The following SI variants were observed in gnomAD, a reference collection of about 807,000 sequenced individuals.
SI encodes the protein sucrase-isomaltase.
A neutral mutation model predicts 253.3 loss-of-function variants in SI; 235 were observed. The observed-to-expected ratio is 0.93, with a 90% CI of 0.83 to 1.03. The LOEUF is 1.03. Ranked by LOEUF, SI falls within the 50% of genes least tolerant of loss-of-function variation. The probability of loss-of-function intolerance (pLI) is 0.00; values close to 1 mark genes in which losing one functional copy is unlikely to be tolerated. For synonymous variants in SI, 819 were observed against 712.0 expected, an observed-to-expected ratio of 1.15 and a Z score of -2.39; for missense variants, 2,442 against 2,211.1, an observed-to-expected ratio of 1.10 and a Z score of -2.09.
chr3:164,988,265 A>G (rs2108118937), intron 44 of SI, among the ~76,000 whole-genome samples: 1 of 152,324 alleles, frequency 6.6e-6, no homozygotes, highest in Non-Finnish European at 1.5e-5. Flanking sequence ...AAATCTCCAC[A>G]GTAATTAGAT....
At chr3:165,089,654 C>A in the SI span, among the ~76,000 whole-genome samples, 1 of 152,050 alleles carries the variant, frequency 6.6e-6, no homozygotes, top group East Asian at 1.9e-4. Context: ...TTGTGTGGAC[C>A]AGAATCAGCA....
At chr3:165,071,762 C>A (rs1308521414) in intron 3 of SI, among the ~76,000 whole-genome samples, 1 of 152,030 alleles carries the variant, frequency 6.6e-6, no homozygotes, top group Non-Finnish European at 1.5e-5. Flanking sequence ...AGAGGAAATA[C>A]TATGTGAGGA....
At chr3:165,009,742 C>T (rs1718685725) in intron 34 of SI, among the ~76,000 whole-genome samples, 1 of 152,082 alleles carries the variant, frequency 6.6e-6, no homozygotes, top group Non-Finnish European at 1.5e-5. Flanking sequence ...TTGTGGAGCA[C>T]AATGAAACAG....
intron 37 of SI, among the ~76,000 whole-genome samples, chr3:165,001,704 A>G (rs933724030): frequency 6.6e-6 from 1 of 151,508 alleles, no homozygotes; most frequent in South Asian, 2.1e-4. Context: ...CTTGAGACGA[A>G]CAGCTGATTA....
At chr3:165,021,977 T>C (rs537510545) in intron 26 of SI, among the ~76,000 whole-genome samples, 33 of 151,628 alleles carry the variant, frequency 2.2e-4, no homozygotes, top group Non-Finnish European at 4.4e-4. Context: ...AATCATTTCA[T>C]TTCCTACTTA....
chr3:165,055,248 C>T lies in SI; in HGVS notation c.1458G>A (p.Trp486Ter). ...GATGGAAAATACTGCATTCATTTGC[C>T]CACCAATCAATGCAGTTTGGGTTAG... ...DFTNPNCIDW[W>*]ANECSIFHQE... is the part of the protein sequence containing the mutation. The change falls in exon 13 of 48, where the codon TGG becomes TGA. Residue 486 changes from tryptophan to a stop codon, truncating the protein, a stop_gained. Transcript: ENST00000264382. LOFTEE classifies it high-confidence loss of function. 6.2e-7 allele frequency: 1 copy of T among 1,611,782 alleles called. No homozygotes were observed. The highest frequency in any genetic ancestry group is 8.5e-7 in the Non-Finnish European group (1 of 1,178,608).
intron 36 of SI, among the ~76,000 whole-genome samples, chr3:165,007,273 T>C (rs1718559292): frequency 6.6e-6 from 1 of 152,094 alleles, no homozygotes; most frequent in Admixed American, 6.6e-5. Flanking sequence ...GCCCAGAGTT[T>C]AAGGGCTAGG....
intron 17 of SI, among the ~76,000 whole-genome samples, chr3:165,042,627 A>G (rs933129144): frequency 2.6e-5 from 4 of 152,040 alleles, no homozygotes; most frequent in African/African-American, 9.7e-5. Flanking sequence ...TTGTTTTGTG[A>G]CTATCTTTAA....
chr3:165,075,774 C>T, intron 2 of SI, 121 bp downstream of exon 2: 1 of 621,550 alleles, frequency 1.6e-6, no homozygotes, highest in Non-Finnish European at 2.9e-6. Context: ...TGTAACTTAC[C>T]CTGGATTTTT....
At chr3:165,030,654 T>C in intron 25 of SI, 58 bp downstream of exon 25, 1 of 1,528,162 alleles carries the variant, frequency 6.5e-7, no homozygotes, top group Non-Finnish European at 9.0e-7. Flanking sequence ...ATGTAAAATT[T>C]GCACCAAAAT....
chr3:164,988,474 TAA>T (rs1285846832), intron 44 of SI, among the ~76,000 whole-genome samples: 1 of 152,064 alleles, frequency 6.6e-6, no homozygotes, highest in East Asian at 1.9e-4. Context: ...TTCTCTCTCA[TAA>T]AAAAATAAGG....
chr3:165,004,840 T>C (rs1049215411), intron 37 of SI, among the ~76,000 whole-genome samples: 1 of 152,148 alleles, frequency 6.6e-6, no homozygotes, highest in African/African-American at 2.4e-5. Flanking sequence ...GCAAGTGTTA[T>C]GGTTGGGCTT....
rs577252976 is a variant in SI at position 164,979,145 on chromosome 3, T to G, written c.*217A>C. 1.4e-4 allele frequency: 72 copies of G among 529,360 alleles called. 2 individuals carry two copies. The Admixed American group carries it at 2.1e-3, about 15-fold the overall frequency. 32.8% of individuals were successfully genotyped at this position (529,360 alleles called of 1,614,324 possible). A position where few individuals can be genotyped will look rare whatever the true frequency, so the allele number is the denominator to read the frequency against. ...ACTTAACAAGGATAAATAGGGCTAT[T>G]CAAATTTTGTTAAATATGCCTTAAA... On this transcript the variant is annotated 3_prime_UTR_variant, in exon 48 of 48. Transcript: ENST00000264382.
intron 24 of SI, 97 bp downstream of exon 24, chr3:165,032,425 A>G: frequency 1.3e-6 from 1 of 788,726 alleles, no homozygotes. Context: ...AAAGGAATAC[A>G]CACTGTGAGG....
chr3:165,024,868 C>T (rs1383727772), intron 25 of SI, among the ~76,000 whole-genome samples: 1 of 151,188 alleles, frequency 6.6e-6, no homozygotes, highest in Non-Finnish European at 1.5e-5. Context: ...TCTAACTAGG[C>T]TTTTATCCCT....
In SI at chr3:165,076,012, TC is replaced by T; in HGVS notation, c.1-1del. 6.4e-7 allele frequency: 1 copy of T among 1,559,986 alleles called. No individual in the cohort carries two copies. The highest frequency in any genetic ancestry group is 8.8e-7 in the Non-Finnish European group (1 of 1,137,230). On this transcript the variant is annotated splice_acceptor_variant, in intron 1 of 47. Coordinates refer to ENST00000264382, the MANE Select transcript of SI (RefSeq NM_001041.4). LOFTEE classifies it low-confidence loss of function (5UTR_SPLICE). Reference sequence around the variant, plus strand: ...AATCCACTAAATTTCTTTCTTGCCATCTAAAAACAGAAAAGAATATATATTT... The same window carrying T: ...AATCCACTAAATTTCTTTCTTGCCATTAAAAACAGAAAAGAATATATATTT...
chr3:165,007,708 G>A lies in SI; in HGVS notation c.4267+203C>T, dbSNP rs1156311414. Among the ~76,000 whole-genome samples the A allele has an allele frequency of 2.0e-5, 3 of 151,148 alleles. 1 individual carries two copies. The highest frequency in any genetic ancestry group is 4.4e-5 in the Non-Finnish European group (3 of 67,696). On this transcript the variant is annotated intron_variant, in intron 36 of 47. Coordinates refer to ENST00000264382, the MANE Select transcript of SI (RefSeq NM_001041.4). ...TGGTAATGGGTCAAGGTGTGGTCCA[G>A]TGTGTGGGTGGGTAGTGAAAATTGG...
intron 21 of SI, 116 bp downstream of exon 21, chr3:165,037,784 T>C: frequency 1.4e-6 from 1 of 730,034 alleles, no homozygotes. Context: ...ATTACCTCTG[T>C]ATGTCAAATA....
In SI at chr3:164,982,274, GA is replaced by G; in HGVS notation, c.5383del (p.Ser1795ArgfsTer11). 1 of 1,612,790 alleles carries G rather than the reference GA, an allele frequency of 6.2e-7. No individual in the cohort carries two copies. The highest frequency in any genetic ancestry group is 8.5e-7 in the Non-Finnish European group (1 of 1,179,296). ...VTLTYNGNKN[S>X]LPFNEDTTNM... ...GGTAGTGTCTTCATTAAAAGGAAGCGAATTTTTATTTCCGTTATACGTTAGA... is the reference window on the plus strand; with the variant it reads ...GGTAGTGTCTTCATTAAAAGGAAGCGATTTTTATTTCCGTTATACGTTAGA... On this transcript the variant is annotated frameshift_variant, in exon 47 of 48. Transcript: ENST00000264382. LOFTEE classifies it low-confidence loss of function (END_TRUNC).
Sources: allele counts gnomAD v4.1 joint callset (sites outside exome capture counted in the v4.1 genomes callset), GRCh38; gene constraint gnomAD v4.1.1; transcripts MANE v1.5; gene names NCBI Gene and HGNC (gene_info 2026-07-23, HGNC 2026-07-21).